The following SUGCT variants were observed in gnomAD, a reference collection of about 807,000 sequenced individuals.
SUGCT encodes succinyl-CoA:glutarate-CoA transferase, also known as succinyl-CoA:glutarate CoA-transferase.
In SUGCT, 41 loss-of-function variants were observed where a neutral mutation model predicts 55.0. The observed-to-expected ratio is 0.74, with a 90% confidence interval of 0.58 to 0.97. The LOEUF (loss-of-function observed/expected upper bound fraction) is 0.97, where lower values mean the gene tolerates loss of function less well. Among genes scored for constraint, SUGCT ranks in the 50% least tolerant of loss-of-function variants. The pLI is 0.00. For synonymous variants in SUGCT, 187 were observed against 200.4 expected, an observed-to-expected ratio of 0.93 and a Z score of 0.56; for missense variants, 568 against 547.8, an observed-to-expected ratio of 1.04 and a Z score of -0.37.
intron 9 of SUGCT, among the ~76,000 whole-genome samples, chr7:40,402,277 C>T (rs1786114976): frequency 6.6e-6 from 1 of 151,968 alleles, no homozygotes; most frequent in East Asian, 1.9e-4. Flanking sequence ...TTGCTGGAGA[C>T]ATTAAAGATG....
Position 40,784,686 on chromosome 7 carries a change from A to G in SUGCT, c.1153+35189A>G, listed in dbSNP as rs533797742. Among the ~76,000 whole-genome samples the G allele has an allele frequency of 7.9e-5, 12 of 152,252 alleles. 1 individual carries two copies. In the South Asian group the frequency reaches 2.5e-3, roughly 32 times the overall value. On this transcript the variant is annotated intron_variant, in intron 13 of 13. Transcript: ENST00000335693. ...TAACATGCCTTGAGAATGTTAAACA[A>G]TGTTATTTGACATGATTATAGTAGA...
intron 7 of SUGCT, among the ~76,000 whole-genome samples, chr7:40,260,012 A>G (rs1001182332): frequency 3.9e-5 from 6 of 152,154 alleles, no homozygotes; most frequent in Non-Finnish European, 8.8e-5. Flanking sequence ...TATGTGGGAT[A>G]TTTCATTTGT....
chr7:40,977,443 T>C, the SUGCT span, among the ~76,000 whole-genome samples: 1 of 152,244 alleles, frequency 6.6e-6, no homozygotes. Context: ...CATGAGTCTT[T>C]GCGAATTTGC....
At chr7:40,175,564 A>G (rs907557743) in intron 1 of SUGCT, among the ~76,000 whole-genome samples, 16 of 152,028 alleles carry the variant, frequency 1.1e-4, no homozygotes, top group African/African-American at 3.6e-4. Flanking sequence ...TTAACACCCT[A>G]TTGATTCATT....
chr7:40,360,044 C>T lies in SUGCT; in HGVS notation c.816+43189C>T, dbSNP rs143860025. On this transcript the variant is annotated intron_variant, in intron 9 of 13. Transcript: ENST00000335693. ...AGATTTTATTTTTGAGACAGAGTCTCACTCTGTCGCCCAGGCTGGAGTGCA... is the reference window on the plus strand; with the variant it reads ...AGATTTTATTTTTGAGACAGAGTCTTACTCTGTCGCCCAGGCTGGAGTGCA... Among the ~76,000 whole-genome samples, 1,012 of 152,268 alleles carry T rather than the reference C, an allele frequency of 6.6e-3. 32 individuals are homozygous for T. The highest frequency in any genetic ancestry group is 0.056 in the Admixed American group (864 of 15,298).
the SUGCT span, among the ~76,000 whole-genome samples, chr7:40,876,104 T>C: frequency 6.6e-6 from 1 of 152,228 alleles, no homozygotes; most frequent in African/African-American, 2.4e-5. Flanking sequence ...ATATGAAACA[T>C]ACATTTACTT....
the SUGCT span, among the ~76,000 whole-genome samples, chr7:40,898,880 G>A: frequency 6.6e-6 from 1 of 152,102 alleles, no homozygotes; most frequent in African/African-American, 2.4e-5. Flanking sequence ...CTAGATCAGG[G>A]ACAGTCAAAA....
chr7:40,152,255 T>C (rs767267300), intron 1 of SUGCT, among the ~76,000 whole-genome samples: 2 of 152,242 alleles, frequency 1.3e-5, no homozygotes, highest in Non-Finnish European at 2.9e-5. Context: ...AGGACTTTTA[T>C]TGGCTTTGTT....
At chr7:40,819,319 T>A (rs552344155) in intron 13 of SUGCT, among the ~76,000 whole-genome samples, 1 of 152,330 alleles carries the variant, frequency 6.6e-6, no homozygotes, top group South Asian at 2.1e-4. Flanking sequence ...TCTAGATCCT[T>A]GAGAAATCAC....
At chr7:40,550,567 TTTCAGGGCTCTTA>T (rs1292039825) in intron 12 of SUGCT, among the ~76,000 whole-genome samples, 1 of 152,236 alleles carries the variant, frequency 6.6e-6, no homozygotes, top group African/African-American at 2.4e-5. Flanking sequence ...TACAATATCC[TTTCAGGGCTCTTA>T]TTCTGAGACT....
At chr7:40,136,308 A>C (rs1787692524) in intron 1 of SUGCT, among the ~76,000 whole-genome samples, 1 of 152,134 alleles carries the variant, frequency 6.6e-6, no homozygotes, top group Non-Finnish European at 1.5e-5. Context: ...TAGGATACAG[A>C]ATCTTAAAAG....
intron 1 of SUGCT, among the ~76,000 whole-genome samples, chr7:40,170,835 T>G (rs1344829251): frequency 6.6e-6 from 1 of 151,800 alleles, no homozygotes; most frequent in Non-Finnish European, 1.5e-5. Flanking sequence ...AGTTAACGCT[T>G]ACTGATGTAG....
At chr7:40,454,323 G>C (rs1789353752) in intron 10 of SUGCT, among the ~76,000 whole-genome samples, 1 of 152,098 alleles carries the variant, frequency 6.6e-6, no homozygotes, top group South Asian at 2.1e-4. Context: ...AGTAATTTCA[G>C]CAAACCATAA....
the SUGCT span, chr7:40,965,960 T>C: frequency 6.6e-6 from 1 of 152,160 alleles, no homozygotes; most frequent in Non-Finnish European, 1.5e-5. Context: ...ACAAGGCAGG[T>C]TTCAGGGTGT....
At chr7:40,682,080 C>A (rs993172205) in intron 12 of SUGCT, among the ~76,000 whole-genome samples, 1 of 152,118 alleles carries the variant, frequency 6.6e-6, no homozygotes, top group Non-Finnish European at 1.5e-5. Flanking sequence ...TATTAAGTTG[C>A]TCATTTACTT....
At chr7:40,307,141 A>G (rs1320734435) in intron 8 of SUGCT, among the ~76,000 whole-genome samples, 1 of 152,238 alleles carries the variant, frequency 6.6e-6, no homozygotes, top group Non-Finnish European at 1.5e-5. Context: ...AAATAAAAGT[A>G]GAGATTTTAA....
At chr7:40,950,918 C>CT in the SUGCT span, among the ~76,000 whole-genome samples, 44 of 151,264 alleles carry the variant, frequency 2.9e-4, no homozygotes, top group African/African-American at 8.2e-4. Context: ...CTACAATTCT[C>CT]TTTTTTTTTG....
chr7:40,859,971 G>A (rs1316397363), intron 13 of SUGCT, among the ~76,000 whole-genome samples: 1 of 152,136 alleles, frequency 6.6e-6, no homozygotes, highest in Non-Finnish European at 1.5e-5. Context: ...TGTGGTCACT[G>A]TTCTTTCCTA....
intron 6 of SUGCT, among the ~76,000 whole-genome samples, chr7:40,217,183 C>T (rs1259205716): frequency 6.6e-6 from 1 of 152,078 alleles, no homozygotes; most frequent in Non-Finnish European, 1.5e-5. Flanking sequence ...GCCCACCAAC[C>T]TGTCTTGAAT....
Sources: allele counts gnomAD v4.1 joint callset (sites outside exome capture counted in the v4.1 genomes callset), GRCh38; gene constraint gnomAD v4.1.1; transcripts MANE v1.5; gene names NCBI Gene and HGNC (gene_info 2026-07-23, HGNC 2026-07-21).